SH3GL1: variants seen among roughly 807,000 people sequenced by gnomAD.
SH3GL1 encodes the protein endophilin-A2.
A neutral mutation model predicts 48.8 loss-of-function variants in SH3GL1; 21 were observed. That is an observed-to-expected ratio of 0.43 (90% CI 0.30 to 0.62). The LOEUF (loss-of-function observed/expected upper bound fraction) is 0.62. SH3GL1 is among the 20% of genes least tolerant of loss of function. The pLI, the probability that SH3GL1 is intolerant of heterozygous loss-of-function variation, is 0.11. For missense variants in SH3GL1, 454 were observed against 503.0 expected (o/e 0.90, Z 0.93); for synonymous variants, 282 against 217.5 (o/e 1.30, Z -2.61).
chr19:4,363,399 C>T lies in SH3GL1; in HGVS notation c.699G>A (p.Leu233=). 6.2e-7 allele frequency: 1 copy of T among 1,610,786 alleles called. No homozygotes were observed. The highest frequency in any genetic ancestry group is 1.1e-5 in the South Asian group (1 of 90,500). ...LDYHRQAVQI[L]DELAEKLKRR... ...GCTTGAGCTTCTCCGCCAGCTCGTC[C>T]AGGATCTGCACGGCCTGCCGGTGGT... Residue 233 remains leucine (L), a synonymous_variant, in exon 7 of 10, where the codon CTG becomes CTA. Transcript: ENST00000269886.
intron 3 of SH3GL1, 80 bp from the exon 4 acceptor site, chr19:4,365,705 C>T: frequency 4.4e-5 from 69 of 1,582,508 alleles, no homozygotes; most frequent in Non-Finnish European, 5.9e-5. Context: ...CCCACATCTC[C>T]TCCCCACCCT....
At chr19:4,393,078 C>G (rs748548116) in intron 1 of SH3GL1, among the ~76,000 whole-genome samples, 4 of 151,746 alleles carry the variant, frequency 2.6e-5, no homozygotes, top group African/African-American at 7.3e-5. Context: ...CTGGTCAACA[C>G]AGCAAAACCT....
rs373652732 is a variant in SH3GL1 at position 4,363,627 on chromosome 19, A to C, written c.624+93T>G. ...ACCTCCCCTGCTGCAGCGGCCAGGTAGGTGCCGATCTGTCCTCCAGCTCCC... is the reference window on the plus strand; with the variant it reads ...ACCTCCCCTGCTGCAGCGGCCAGGTCGGTGCCGATCTGTCCTCCAGCTCCC... On this transcript the variant is annotated intron_variant, in intron 6 of 9. Coordinates refer to ENST00000269886, the MANE Select transcript of SH3GL1 (RefSeq NM_003025.4). 8.6e-4 allele frequency: 1,325 copies of C among 1,534,262 alleles called. 6 individuals are homozygous for C. In the African/African-American group the frequency reaches 0.01, roughly 12 times the overall value.
intron 1 of SH3GL1, among the ~76,000 whole-genome samples, chr19:4,381,687 GCCT>G (rs1481650979): frequency 4.4e-5 from 2 of 45,632 alleles, no homozygotes; most frequent in African/African-American, 1.8e-4. Context: ...CCCCCCACAC[GCCT>G]TTTTTTTTTT....
intron 6 of SH3GL1, 81 bp downstream of exon 6, chr19:4,363,639 G>C (rs966969532): frequency 2.5e-6 from 4 of 1,573,504 alleles, no homozygotes; most frequent in Non-Finnish European, 3.5e-6. Context: ...GTGCCGATCT[G>C]TCCTCCAGCT....
intron 7 of SH3GL1, 107 bp downstream of exon 7, chr19:4,363,263 T>C: frequency 1.2e-6 from 1 of 855,056 alleles, no homozygotes. Flanking sequence ...GAATCCAGGA[T>C]GCTGCTCTGC....
At position 4,364,135 on chromosome 19, in the gene SH3GL1, T is replaced by G. The variant is rs1006681022; in HGVS notation, c.418A>C (p.Ile140Leu). The change falls in exon 5 of 10, where the codon ATT becomes CTT. Residue 140 changes from isoleucine to leucine, a missense_variant. Ile to Leu is a conservative substitution (Grantham distance 5, BLOSUM62 2). Transcript: ENST00000269886. Reference sequence around the variant, plus strand: ...TCGCACAGGTTCTGGAGGGGGTCAATGAAGTTCTGCTTGACCTCGATGTCC... The same window carrying G: ...TCGCACAGGTTCTGGAGGGGGTCAAGGAAGTTCTGCTTGACCTCGATGTCC... ...SLDIEVKQNFIDPLQNLCEKD... is the reference protein window; with the variant it reads ...SLDIEVKQNFLDPLQNLCEKD... 3.7e-6 allele frequency: 6 copies of G among 1,613,704 alleles called. No homozygotes were observed. The highest frequency in any genetic ancestry group is 5.1e-6 in the Non-Finnish European group (6 of 1,180,010).
intron 1 of SH3GL1, among the ~76,000 whole-genome samples, chr19:4,394,049 G>A (rs1428230359): frequency 6.8e-6 from 1 of 147,658 alleles, no homozygotes; most frequent in African/African-American, 2.5e-5. Context: ...GGGAGGTGAC[G>A]CTTGTGAATG....
intron 1 of SH3GL1, among the ~76,000 whole-genome samples, chr19:4,381,689 CTTTTTTTTTTT>C (rs71166991): frequency 5.7e-5 from 2 of 35,150 alleles, no homozygotes; most frequent in Non-Finnish European, 1.1e-4. Flanking sequence ...CCCCACACGC[CTTTTTTTTTTT>C]TTTTTTTTTT....
chr19:4,400,393 C>T lies in SH3GL1; in HGVS notation c.-25G>A, dbSNP rs769852558. 7 of 1,572,340 alleles carry T rather than the reference C, an allele frequency of 4.5e-6. No individual in the cohort carries two copies. Among genetic ancestry groups the T allele is most frequent in the Non-Finnish European group, 6.0e-6 (7 of 1,164,708 alleles). Reference sequence around the variant, plus strand: ...TGCTGCCGCCCGCCGCCGAGCCTCCCGCCCGGACCGCGCCAGCGACAGGCT... The same window carrying T: ...TGCTGCCGCCCGCCGCCGAGCCTCCTGCCCGGACCGCGCCAGCGACAGGCT... On this transcript the variant is annotated 5_prime_UTR_variant, in exon 1 of 10. Coordinates refer to ENST00000269886, the MANE Select transcript of SH3GL1 (RefSeq NM_003025.4). The surrounding 1 kb of genome is among the most constrained non-coding windows in gnomAD (Gnocchi z 4.1).
At chr19:4,394,126 CAAAA>C (rs34866100) in intron 1 of SH3GL1, among the ~76,000 whole-genome samples, 25 of 89,726 alleles carry the variant, frequency 2.8e-4, no homozygotes, top group Admixed American at 4.8e-4. Context: ...TCCTTTCAGG[CAAAA>C]AAAAAAAAAA....
chr19:4,380,657 C>A (rs58097123), intron 1 of SH3GL1, among the ~76,000 whole-genome samples: 1 of 152,126 alleles, frequency 6.6e-6, no homozygotes, highest in African/African-American at 2.4e-5. Context: ...GGACAGTCGG[C>A]GGTTTTGAAC....
chr19:4,361,896 T>G (rs550085467), intron 9 of SH3GL1, 100 bp from the exon 10 acceptor site: 1 of 864,024 alleles, frequency 1.2e-6, no homozygotes, highest in African/African-American at 1.6e-5. Flanking sequence ...TGGGTGGGCA[T>G]GGGCCTCCCC....
chr19:4,360,464 C>T lies in SH3GL1; in HGVS notation c.*1136G>A, dbSNP rs908401675. On this transcript the variant is annotated 3_prime_UTR_variant, in exon 10 of 10. Coordinates refer to ENST00000269886, the MANE Select transcript of SH3GL1 (RefSeq NM_003025.4). ...GCCCAAAGCTGTGTGCTCATCTCTG[C>T]GCCCCTCATGTACTTCTGACGAGGG... 11 of 234,968 alleles carry T rather than the reference C, an allele frequency of 4.7e-5. No individual in the cohort carries two copies. The highest frequency in any genetic ancestry group is 2.0e-4 in the African/African-American group (9 of 45,306). The allele number at this position is 234,968 out of a possible 1,614,324, so 14.6% of individuals were successfully genotyped here. A position where few individuals can be genotyped will look rare whatever the true frequency, so the allele number is the denominator to read the frequency against.
intron 1 of SH3GL1, among the ~76,000 whole-genome samples, chr19:4,373,520 C>T (rs1384284826): frequency 6.6e-6 from 1 of 152,224 alleles, no homozygotes; most frequent in Non-Finnish European, 1.5e-5. Flanking sequence ...TCACGGAAAC[C>T]CCAAACCAGA....
chr19:4,389,155 C>G lies in SH3GL1; in HGVS notation c.45+11169G>C, dbSNP rs550588062. Among the ~76,000 whole-genome samples the G allele has an allele frequency of 2.6e-5, 4 of 152,286 alleles. No homozygotes were observed. The highest frequency in any genetic ancestry group is 2.6e-4 in the Admixed American group (4 of 15,298). On this transcript the variant is annotated intron_variant, in intron 1 of 9. Coordinates refer to ENST00000269886, the MANE Select transcript of SH3GL1 (RefSeq NM_003025.4). The surrounding 1 kb of genome is among the most constrained non-coding windows in gnomAD (Gnocchi z 4.5). ...CCTCTGTAGGGGGCGTCTCTGGCAA[C>G]CTCATCAGCAGGCCAGTGCCCAGCA...
chr19:4,366,904 G>C (rs1972793516), intron 2 of SH3GL1, 22 bp downstream of exon 2: 2 of 1,611,196 alleles, frequency 1.2e-6, no homozygotes, highest in South Asian at 1.1e-5. Context: ...CCACCACACA[G>C]AGCACGCAGT....
intron 1 of SH3GL1, among the ~76,000 whole-genome samples, chr19:4,388,160 A>G (rs914928691): frequency 3.3e-5 from 5 of 152,144 alleles, no homozygotes; most frequent in Non-Finnish European, 4.4e-5. Context: ...TGTCCGGCCT[A>G]TTCCAGTTAC....
At chr19:4,362,798 G>T in intron 7 of SH3GL1, 62 bp from the exon 8 acceptor site, 1 of 1,609,042 alleles carries the variant, frequency 6.2e-7, no homozygotes, top group Non-Finnish European at 8.5e-7. Context: ...CCCCACTCTT[G>T]TATTTATGCT....
Sources: allele counts gnomAD v4.1 joint callset (sites outside exome capture counted in the v4.1 genomes callset), GRCh38; gene constraint gnomAD v4.1.1; non-coding constraint Gnocchi (gnomAD v3.1); transcripts MANE v1.5; gene names NCBI Gene and HGNC (gene_info 2026-07-23, HGNC 2026-07-21).